Variants in TBC1D1 observed in about 807,000 individuals in gnomAD.
TBC1D1 encodes the protein TBC1 domain family member 1.
Under a neutral mutation model 125.6 loss-of-function variants are expected in TBC1D1, and 89 were observed. The observed-to-expected ratio is 0.71, with a 90% CI of 0.60 to 0.85. The LOEUF (loss-of-function observed/expected upper bound fraction) is 0.85. Ranked by LOEUF, TBC1D1 falls within the 40% of genes least tolerant of loss-of-function variation. TBC1D1 has a pLI of 0.00. For missense variants in TBC1D1, 1,377 were observed against 1,469.2 expected (o/e 0.94, Z 1.03); for synonymous variants, 565 against 564.1 (o/e 1.00, Z -0.02).
At chr4:37,925,493 G>A (rs957895739) in intron 2 of TBC1D1, among the ~76,000 whole-genome samples, 1 of 151,972 alleles carries the variant, frequency 6.6e-6, no homozygotes, top group Non-Finnish European at 1.5e-5. Flanking sequence ...CGAGGTGGGG[G>A]GATCATGAGG....
chr4:38,018,846 A>G (rs938924835), intron 4 of TBC1D1, among the ~76,000 whole-genome samples: 3 of 151,926 alleles, frequency 2.0e-5, no homozygotes, highest in African/African-American at 7.3e-5. Context: ...TTGGGTACCA[A>G]TTGTCAGTAT....
intron 2 of TBC1D1, among the ~76,000 whole-genome samples, chr4:37,921,109 C>CAAAAAAA (rs1188232681): frequency 2.8e-5 from 2 of 71,984 alleles, no homozygotes; most frequent in Non-Finnish European, 5.2e-5. Flanking sequence ...GACTCCGTCT[C>CAAAAAAA]AAAAAAAAAA....
chr4:38,058,383 C>T (rs1470603240), intron 12 of TBC1D1, among the ~76,000 whole-genome samples: 1 of 152,176 alleles, frequency 6.6e-6, no homozygotes, highest in African/African-American at 2.4e-5. Context: ...TTTCTTTCCC[C>T]AGAGGTCCCT....
chr4:37,971,235 G>C (rs908000070), intron 2 of TBC1D1, among the ~76,000 whole-genome samples: 2 of 152,276 alleles, frequency 1.3e-5, no homozygotes, highest in African/African-American at 2.4e-5. Context: ...TGAGATTTCT[G>C]TAGGGATACT....
intron 18 of TBC1D1, among the ~76,000 whole-genome samples, chr4:38,131,779 AAG>A (rs1430936351): frequency 1.3e-5 from 2 of 152,218 alleles, no homozygotes; most frequent in Non-Finnish European, 2.9e-5. Context: ...TGAAGGACAA[AAG>A]AGAATCAGTT....
chr4:37,942,547 T>TC (rs2152306944), intron 2 of TBC1D1, among the ~76,000 whole-genome samples: 1 of 148,572 alleles, frequency 6.7e-6, no homozygotes, highest in East Asian at 2.0e-4. Flanking sequence ...GTTTTTTTTG[T>TC]TTTTTTTTTA....
chr4:38,037,442 T>C (rs1312041007), intron 8 of TBC1D1, among the ~76,000 whole-genome samples: 1 of 151,924 alleles, frequency 6.6e-6, no homozygotes, highest in African/African-American at 2.4e-5. Flanking sequence ...CCTGATGAGG[T>C]TGGTGTACTC....
intron 2 of TBC1D1, among the ~76,000 whole-genome samples, chr4:37,949,240 T>A (rs1424120555): frequency 6.6e-6 from 1 of 152,248 alleles, no homozygotes; most frequent in Non-Finnish European, 1.5e-5. Flanking sequence ...TTGACATATT[T>A]TTCTGTGCAG....
At chr4:38,064,382 A>T (rs1411197689) in intron 12 of TBC1D1, among the ~76,000 whole-genome samples, 2 of 152,066 alleles carry the variant, frequency 1.3e-5, no homozygotes, top group African/African-American at 4.8e-5. Flanking sequence ...ACCCACGGGG[A>T]TGGTTAAGCC....
intron 1 of TBC1D1, among the ~76,000 whole-genome samples, chr4:37,896,022 C>CA (rs1397020574): frequency 6.6e-6 from 1 of 152,198 alleles, no homozygotes; most frequent in African/African-American, 2.4e-5. Flanking sequence ...TAATTCTGTT[C>CA]AGGTGCATGC....
intron 2 of TBC1D1, among the ~76,000 whole-genome samples, chr4:37,913,608 A>AT (rs1553896152): frequency 7.4e-5 from 11 of 149,422 alleles, no homozygotes; most frequent in Admixed American, 6.0e-4. Flanking sequence ...TCAAAAAATA[A>AT]ATATATATAT....
chr4:38,084,319 G>T (rs1757109298), intron 12 of TBC1D1, among the ~76,000 whole-genome samples: 1 of 152,218 alleles, frequency 6.6e-6, no homozygotes, highest in Non-Finnish European at 1.5e-5. Flanking sequence ...GTTCTCTTTG[G>T]AGTATTTTCC....
At chr4:37,985,359 G>C (rs1735236443) in intron 2 of TBC1D1, among the ~76,000 whole-genome samples, 1 of 152,142 alleles carries the variant, frequency 6.6e-6, no homozygotes, top group African/African-American at 2.4e-5. Context: ...CAAGTACTCT[G>C]TGCTCTTTTG....
rs571186493 is a variant in TBC1D1 at position 38,112,670 on chromosome 4, T to C, written c.2558-3040T>C. 9.2e-4 allele frequency among the ~76,000 whole-genome samples: 140 copies of C among 152,324 alleles called. 1 individual carries two copies. The highest frequency in any genetic ancestry group is 3.3e-3 in the African/African-American group (138 of 41,572). On this transcript the variant is annotated intron_variant, in intron 15 of 19. Coordinates refer to ENST00000261439, the MANE Select transcript of TBC1D1 (RefSeq NM_015173.4). Reference sequence around the variant, plus strand: ...ATTGAAATAAATGCACATCAGAGAATTGTTCTTAGCATAAGGGGCGCTACA... The same window carrying C: ...ATTGAAATAAATGCACATCAGAGAACTGTTCTTAGCATAAGGGGCGCTACA...
At chr4:38,056,594 A>T (rs1751752909) in intron 12 of TBC1D1, among the ~76,000 whole-genome samples, 1 of 152,196 alleles carries the variant, frequency 6.6e-6, no homozygotes, top group African/African-American at 2.4e-5. Flanking sequence ...GGATCCCTGG[A>T]GGCCAGGAGT....
At chr4:38,003,825 G>T (rs112118015) in intron 2 of TBC1D1, among the ~76,000 whole-genome samples, 7,081 of 148,968 alleles carry the variant, frequency 0.048, 173 homozygotes, top group African/African-American at 0.069. Flanking sequence ...CTATGATTGT[G>T]CCCATTATAC....
rs114030544 is a variant in TBC1D1, at chr4:38,035,031, C to T, written c.1303-557C>T. ...ACTTCTGGTCCAGTGTGCTGTGCCA[C>T]GACCCTGTCTAAAAGTTAAAAGGCA... On this transcript the variant is annotated intron_variant, in intron 7 of 19. Coordinates refer to ENST00000261439, the MANE Select transcript of TBC1D1 (RefSeq NM_015173.4). Among the ~76,000 whole-genome samples, 689 of 152,222 alleles carry T rather than the reference C, an allele frequency of 4.5e-3. 6 individuals carry two copies. The highest frequency in any genetic ancestry group is 0.016 in the African/African-American group (654 of 41,510).
intron 16 of TBC1D1, 31 bp downstream of exon 18, chr4:38,115,985 A>G (rs747792462): frequency 1.2e-6 from 2 of 1,604,474 alleles, no homozygotes; most frequent in Non-Finnish European, 1.7e-6. Context: ...CTTTAATACA[A>G]CAAAATGCTA....
Position 37,960,364 on chromosome 4 carries a change from A to G in TBC1D1, c.418-54145A>G, listed in dbSNP as rs528374100. On this transcript the variant is annotated intron_variant, in intron 2 of 19. Transcript: ENST00000261439. Reference sequence around the variant, plus strand: ...TACACCAATTTCCACTATAGTTAACATTCTATCTAAATATAAAGTGGGACC... The same window carrying G: ...TACACCAATTTCCACTATAGTTAACGTTCTATCTAAATATAAAGTGGGACC... 15 of 1,350,726 alleles carry G rather than the reference A, an allele frequency of 1.1e-5. No individual in the cohort carries two copies. In the African/African-American group the frequency reaches 1.9e-4, roughly 17 times the overall value. The allele number at this position is 1,350,726 out of a possible 1,614,324, so 83.7% of individuals were successfully genotyped here. A position where few individuals can be genotyped will look rare whatever the true frequency, so the allele number is the denominator to read the frequency against.
Sources: allele counts gnomAD v4.1 joint callset (sites outside exome capture counted in the v4.1 genomes callset), GRCh38; gene constraint gnomAD v4.1.1; transcripts MANE v1.5; gene names NCBI Gene and HGNC (gene_info 2026-07-23, HGNC 2026-07-21).